The following LITAF variants were observed in gnomAD, a reference collection of about 807,000 sequenced individuals.
LITAF encodes lipopolysaccharide-induced tumor necrosis factor-alpha factor.
Under a neutral mutation model 14.5 loss-of-function variants are expected in LITAF, and 9 were observed. The ratio of observed to expected loss-of-function variants is 0.62; its 90% CI spans 0.37 to 1.08. The LOEUF is 1.08. Ranked by LOEUF, LITAF falls within the 50% of genes least tolerant of loss-of-function variation. The pLI is 0.01. For missense variants in LITAF, 206 were observed against 213.4 expected (o/e 0.97, Z 0.22); for synonymous variants, 98 against 88.2 (o/e 1.11, Z -0.62).
At chr16:11,620,260 A>T (rs769675872) in intron 3 of LITAF, among the ~76,000 whole-genome samples, 1 of 152,076 alleles carries the variant, frequency 6.6e-6, no homozygotes, top group Non-Finnish European at 1.5e-5. Flanking sequence ...GGATCATGGA[A>T]GCGGATCCCC....
intron 1 of LITAF, among the ~76,000 whole-genome samples, chr16:11,569,412 TA>T (rs2064507405): frequency 1.3e-5 from 2 of 152,244 alleles, no homozygotes; most frequent in East Asian, 3.9e-4. Flanking sequence ...GGCTAATTTT[TA>T]ATTTTTTTTG....
intron 3 of LITAF, among the ~76,000 whole-genome samples, chr16:11,616,069 A>C (rs2065017899): frequency 6.6e-6 from 1 of 152,114 alleles, no homozygotes; most frequent in Non-Finnish European, 1.5e-5. Flanking sequence ...TACATCCACT[A>C]CCTGGGAGGT....
chr16:11,617,078 G>T (rs996838328), intron 3 of LITAF, among the ~76,000 whole-genome samples: 1 of 152,078 alleles, frequency 6.6e-6, no homozygotes, highest in Non-Finnish European at 1.5e-5. Context: ...AAATTTGCCA[G>T]GCGTGGTGGT....
rs2064266939 is a variant in LITAF at position 11,556,314 on chromosome 16, C to T, written c.220+197G>A. 2.2e-5 allele frequency: 13 copies of T among 600,550 alleles called. No homozygotes were observed. The South Asian group carries it at 2.8e-4, about 13-fold the overall frequency. 37.2% of individuals were successfully genotyped at this position (600,550 alleles called of 1,614,324 possible). The stretch of plus-strand genomic sequence containing the variant: ...ACCATGGGAAAGATCCTAAACCATA[C>T]TTTATTACGGAAAAGCTGTGAGCCT... On this transcript the variant is annotated intron_variant, in intron 2 of 3. Coordinates refer to ENST00000622633, the MANE Select transcript of LITAF (RefSeq NM_001136472.2).
chr16:11,611,187 T>A (rs541028336), intron 3 of LITAF, among the ~76,000 whole-genome samples: 59 of 150,746 alleles, frequency 3.9e-4, no homozygotes, highest in East Asian at 2.8e-3. Context: ...AAAAAAAAAA[T>A]TTTTAATTAG....
At chr16:11,587,174 T>C, upstream of LITAF, 1 of 296,962 alleles carries the variant, frequency 3.4e-6, no homozygotes, top group South Asian at 2.6e-5. Context: ...GGCGCGGACC[T>C]GGTGTCTCCC....
chr16:11,615,807 C>T (rs1187797472), intron 3 of LITAF, among the ~76,000 whole-genome samples: 2 of 152,152 alleles, frequency 1.3e-5, no homozygotes, highest in Non-Finnish European at 2.9e-5. Flanking sequence ...TTGGACCCTC[C>T]TCAGTGATTA....
upstream of LITAF, among the ~76,000 whole-genome samples, chr16:11,637,657 G>A (rs2141915810): frequency 6.6e-6 from 1 of 152,114 alleles, no homozygotes. Context: ...TGAGGTGGGA[G>A]GATCACTTGA....
chr16:11,621,667 C>G (rs1020134790), intron 3 of LITAF, among the ~76,000 whole-genome samples: 1 of 152,166 alleles, frequency 6.6e-6, no homozygotes. Context: ...TTCTACACAG[C>G]TCCCCTGAAT....
Position 11,549,628 on chromosome 16 carries a change from G to T in LITAF, c.*9C>A. On this transcript the variant is annotated 3_prime_UTR_variant, in exon 4 of 4. Transcript: ENST00000622633. This position sits in a 1 kb window ranked among gnomAD's most constrained non-coding sequence, Gnocchi z 4.6. Reference sequence around the variant, plus strand: ...GCGGCACCCGGCTCCCTCCACGTCTGGCTGAGTCCTACAAACGCTTGTAGG... The same window carrying T: ...GCGGCACCCGGCTCCCTCCACGTCTTGCTGAGTCCTACAAACGCTTGTAGG... 6.2e-7 allele frequency: 1 copy of T among 1,605,670 alleles called. No individual in the cohort carries two copies. The highest frequency in any genetic ancestry group is 8.5e-7 in the Non-Finnish European group (1 of 1,173,418).
upstream of LITAF, among the ~76,000 whole-genome samples, chr16:11,589,790 T>TA: frequency 6.6e-6 from 1 of 151,512 alleles, no homozygotes; most frequent in Admixed American, 6.6e-5. Context: ...AGCTAGTTTT[T>TA]TTTTGTAATT....
At chr16:11,598,690 G>A (rs557688094), upstream of LITAF, among the ~76,000 whole-genome samples, 1 of 152,066 alleles carries the variant, frequency 6.6e-6, no homozygotes, top group African/African-American at 2.4e-5. Context: ...CTTTCGCAGC[G>A]GCCACAGGAC....
intron 3 of LITAF, chr16:11,629,353 G>A (rs567188800): frequency 6.6e-6 from 1 of 152,630 alleles, no homozygotes; most frequent in Non-Finnish European, 1.5e-5. Flanking sequence ...CTAGAAGTGA[G>A]GGTTCTCAGA....
At chr16:11,585,622 G>C (rs1348232075) in intron 1 of LITAF, among the ~76,000 whole-genome samples, 1 of 152,170 alleles carries the variant, frequency 6.6e-6, no homozygotes, top group Admixed American at 6.5e-5. Context: ...TCCTAAATAG[G>C]AAGTCCTAAA....
chr16:11,558,336 G>A lies in LITAF; in HGVS notation c.-5-1601C>T, dbSNP rs926973495. ...TGTAATCCCAGCACTCTGTGGAGCC[G>A]AGGTGGCAGGATAGCCTGAGCCCAG... On this transcript the variant is annotated intron_variant, in intron 1 of 3. Coordinates refer to ENST00000622633, the MANE Select transcript of LITAF (RefSeq NM_001136472.2). This position sits in a 1 kb window ranked among gnomAD's most constrained non-coding sequence, Gnocchi z 4.1. Among the ~76,000 whole-genome samples the A allele has an allele frequency of 2.0e-5, 3 of 152,160 alleles. No homozygotes were observed. The highest frequency in any genetic ancestry group is 6.5e-5 in the Admixed American group (1 of 15,270).
Position 11,553,433 on chromosome 16 carries a change from TG to T in LITAF, c.377+99del. 3.1e-6 allele frequency: 4 copies of T among 1,273,438 alleles called. No individual in the cohort carries two copies. Among genetic ancestry groups the T allele is most frequent in the Non-Finnish European group, 3.3e-6 (3 of 897,930 alleles). 78.9% of individuals were successfully genotyped at this position (1,273,438 alleles called of 1,614,324 possible). Reference sequence around the variant, plus strand: ...CTCAAAAAAAAACAACACAAATGTCTGGCCCTGAATGTCAAGCATGGTGCAG... The same window carrying T: ...CTCAAAAAAAAACAACACAAATGTCTGCCCTGAATGTCAAGCATGGTGCAG... On this transcript the variant is annotated intron_variant, in intron 3 of 3. Coordinates refer to ENST00000622633, the MANE Select transcript of LITAF (RefSeq NM_001136472.2). This position sits in a 1 kb window ranked among gnomAD's most constrained non-coding sequence, Gnocchi z 7.7.
At chr16:11,600,115 G>A (rs7201514), upstream of LITAF, among the ~76,000 whole-genome samples, 100,341 of 151,888 alleles carry the variant, frequency 0.66, 33,610 homozygotes, top group African/African-American at 0.77. The surrounding 1 kb of genome is among the most constrained non-coding windows in gnomAD (Gnocchi z 4.1). Flanking sequence ...CTACCACCTC[G>A]GCCTCCCGAG....
In LITAF at chr16:11,548,588, C is replaced by CT. The variant is rs71778957; in HGVS notation, c.*1048dup. 0.013 allele frequency: 5,462 copies of CT among 412,218 alleles called. 1 individual carries two copies. Among genetic ancestry groups the CT allele is most frequent in the South Asian group, 0.017 (941 of 56,118 alleles). 25.5% of individuals were successfully genotyped at this position (412,218 alleles called of 1,614,324 possible). A position where few individuals can be genotyped will look rare whatever the true frequency, so the allele number is the denominator to read the frequency against. On this transcript the variant is annotated 3_prime_UTR_variant, in exon 4 of 4. Coordinates refer to ENST00000622633, the MANE Select transcript of LITAF (RefSeq NM_001136472.2). ...TAGATGAAATTATCCATTTCTTTTT[C>CT]TTTTTTTTTTTTTTAAGTGAGACTA...
upstream of LITAF, among the ~76,000 whole-genome samples, chr16:11,602,606 A>C (rs1342219196): frequency 6.6e-6 from 1 of 152,136 alleles, no homozygotes. Context: ...CTTTCTTTGT[A>C]AACAAAATGT....
Sources: gnomAD v4.1 joint callset for allele counts (sites outside exome capture counted in the v4.1 genomes callset) on GRCh38, gnomAD v4.1.1 for gene constraint, Gnocchi (gnomAD v3.1) non-coding constraint, MANE v1.5 for transcripts, NCBI Gene and HGNC (gene_info 2026-07-23, HGNC 2026-07-21) for gene names.